Variants in CTNND2 observed in about 807,000 individuals in gnomAD.
CTNND2 encodes catenin delta-2.
A neutral mutation model predicts 144.4 loss-of-function variants in CTNND2; 22 were observed. The observed-to-expected ratio is 0.15, with a 90% CI of 0.11 to 0.22. The LOEUF is 0.22. CTNND2 is among the 10% of genes least tolerant of loss of function. The probability of loss-of-function intolerance (pLI) is 1.00; values close to 1 mark genes in which losing one functional copy is unlikely to be tolerated. For synonymous variants in CTNND2, 751 were observed against 695.6 expected (o/e 1.08, Z -1.25); for missense variants, 1,353 against 1,618.8 (o/e 0.84, Z 2.82).
chr5:11,723,960 C>T (rs1033901791), intron 2 of CTNND2, among the ~76,000 whole-genome samples: 1 of 151,532 alleles, frequency 6.6e-6, no homozygotes, highest in Non-Finnish European at 1.5e-5. Context: ...GGAGCTGTGG[C>T]AGAAGAATGG....
At chr5:11,037,919 A>G (rs1051039972) in intron 16 of CTNND2, among the ~76,000 whole-genome samples, 2 of 152,180 alleles carry the variant, frequency 1.3e-5, no homozygotes, top group African/African-American at 4.8e-5. Flanking sequence ...CAATAGTTAC[A>G]TTATTATTTA....
chr5:11,741,179 G>A (rs111552767), intron 1 of CTNND2, among the ~76,000 whole-genome samples: 21,405 of 152,000 alleles, frequency 0.14, 1,690 homozygotes, highest in East Asian at 0.27. Flanking sequence ...AAGGATCTAG[G>A]ACTAGAAATA....
At chr5:11,343,788 T>C (rs1035161552) in intron 9 of CTNND2, among the ~76,000 whole-genome samples, 2 of 152,156 alleles carry the variant, frequency 1.3e-5, no homozygotes, top group Non-Finnish European at 2.9e-5. Flanking sequence ...ACTTTGAAGA[T>C]TGTAATGTGC....
intron 3 of CTNND2, among the ~76,000 whole-genome samples, chr5:11,506,715 T>C (rs901081352): frequency 2.6e-5 from 4 of 152,234 alleles, no homozygotes; most frequent in Non-Finnish European, 5.9e-5. Context: ...TTGTAAACAC[T>C]ATGAGGCATG....
At chr5:11,181,816 G>A (rs918490785) in intron 11 of CTNND2, among the ~76,000 whole-genome samples, 1 of 148,834 alleles carries the variant, frequency 6.7e-6, no homozygotes, top group Admixed American at 6.7e-5. Flanking sequence ...GTGAATGCGT[G>A]TGGTGTGTGT....
chr5:11,858,698 G>A (rs953450152), intron 1 of CTNND2, among the ~76,000 whole-genome samples: 2 of 152,216 alleles, frequency 1.3e-5, no homozygotes, highest in Non-Finnish European at 2.9e-5. Context: ...TGGGAGCTGA[G>A]GTGGGTGGAT....
At chr5:11,427,275 C>CTTT (rs765824451) in intron 3 of CTNND2, among the ~76,000 whole-genome samples, 31 of 120,858 alleles carry the variant, frequency 2.6e-4, no homozygotes, top group African/African-American at 3.8e-4. Flanking sequence ...TTCCCATATG[C>CTTT]TTTTTTTTTT....
At chr5:11,460,460 C>T (rs1246835203) in intron 3 of CTNND2, among the ~76,000 whole-genome samples, 2 of 152,184 alleles carry the variant, frequency 1.3e-5, no homozygotes, top group East Asian at 1.9e-4. Context: ...TATTTTAATA[C>T]TGAGAAGTGT....
intron 9 of CTNND2, among the ~76,000 whole-genome samples, chr5:11,242,962 T>A (rs1742610704): frequency 6.6e-6 from 1 of 152,222 alleles, no homozygotes; most frequent in Non-Finnish European, 1.5e-5. Context: ...AAGTGCTTGA[T>A]CAACTACTAA....
At chr5:11,252,420 C>G (rs771842825) in intron 9 of CTNND2, among the ~76,000 whole-genome samples, 10 of 152,122 alleles carry the variant, frequency 6.6e-5, no homozygotes, top group South Asian at 2.1e-4. Context: ...ACTACAGATT[C>G]AATAATCAGA....
chr5:11,807,259 C>T (rs1792053928), intron 1 of CTNND2, among the ~76,000 whole-genome samples: 1 of 152,102 alleles, frequency 6.6e-6, no homozygotes, highest in Non-Finnish European at 1.5e-5. Context: ...ACTCCCATAT[C>T]TCTAAATATT....
intron 3 of CTNND2, among the ~76,000 whole-genome samples, chr5:11,430,651 T>C (rs1490922318): frequency 6.6e-6 from 1 of 152,202 alleles, no homozygotes; most frequent in Non-Finnish European, 1.5e-5. Context: ...TGTGTTTCTG[T>C]ATTTGGTCAT....
intron 16 of CTNND2, among the ~76,000 whole-genome samples, chr5:11,030,760 T>C (rs1338050953): frequency 2.3e-5 from 2 of 87,618 alleles, no homozygotes; most frequent in Non-Finnish European, 6.5e-5. Flanking sequence ...TTCTGTTTTT[T>C]TTTTTTTTTT....
rs70947250 is a variant in CTNND2 at position 11,283,673 on chromosome 5, CAAAAAAAAAAAA to C, written c.1629-46862_1629-46851del. 9.2e-3 allele frequency among the ~76,000 whole-genome samples: 292 copies of C among 31,608 alleles called. 1 individual carries two copies. The highest frequency in any genetic ancestry group is 0.026 in the African/African-American group (211 of 8,208). 20.7% of individuals were successfully genotyped at this position (31,608 alleles called of 152,430 possible). A position where few individuals can be genotyped will look rare whatever the true frequency, so the allele number is the denominator to read the frequency against. ...TGGGTGAAAGAGTGAGACTCCGTCT[CAAAAAAAAAAAA>C]AAAAAAAAAAAAAAAAAAAAAGAGA... is the stretch of plus-strand genomic sequence containing the variant. On this transcript the variant is annotated intron_variant, in intron 9 of 21. Transcript: ENST00000304623.
chr5:11,004,786 A>AG (rs1308649570), intron 18 of CTNND2, among the ~76,000 whole-genome samples: 2 of 151,970 alleles, frequency 1.3e-5, no homozygotes, highest in Admixed American at 6.6e-5. Context: ...AAAAAAAAAA[A>AG]AAAAGAAAAA....
chr5:11,383,638 C>A (rs1276326118), intron 7 of CTNND2, among the ~76,000 whole-genome samples: 2 of 152,216 alleles, frequency 1.3e-5, no homozygotes, highest in South Asian at 2.1e-4. Context: ...TGGCCACCTG[C>A]CTCATGCATG....
At chr5:11,856,957 C>G (rs1638779934) in intron 1 of CTNND2, among the ~76,000 whole-genome samples, 1 of 152,120 alleles carries the variant, frequency 6.6e-6, no homozygotes, top group South Asian at 2.1e-4. Flanking sequence ...AATTCCCAAA[C>G]AACCCACTTA....
At chr5:11,731,679 A>G (rs908770840) in intron 2 of CTNND2, among the ~76,000 whole-genome samples, 36 of 152,186 alleles carry the variant, frequency 2.4e-4, no homozygotes, top group African/African-American at 8.7e-4. Context: ...TTTAGACTAC[A>G]TCCTTCCAGA....
chr5:11,432,192 G>A (rs1763365685), intron 3 of CTNND2, among the ~76,000 whole-genome samples: 1 of 144,142 alleles, frequency 6.9e-6, no homozygotes, highest in Non-Finnish European at 1.5e-5. Context: ...AGTTTGAAAT[G>A]GAAATGATAT....
Sources: gnomAD v4.1 joint callset for allele counts (sites outside exome capture counted in the v4.1 genomes callset) on GRCh38, gnomAD v4.1.1 for gene constraint, MANE v1.5 for transcripts, NCBI Gene and HGNC (gene_info 2026-07-23, HGNC 2026-07-21) for gene names.